Variants in FIGN observed in about 807,000 individuals in gnomAD.
The protein encoded by FIGN is fidgetin.
Under a neutral mutation model 51.3 loss-of-function variants are expected in FIGN, and 11 were observed. The ratio of observed to expected loss-of-function variants is 0.21; its 90% CI spans 0.13 to 0.35. The LOEUF (loss-of-function observed/expected upper bound fraction) is 0.35. Ranked by LOEUF, FIGN falls within the 10% of genes least tolerant of loss-of-function variation. The pLI is 1.00. For synonymous variants in FIGN, 407 were observed against 363.2 expected, an observed-to-expected ratio of 1.12 and a Z score of -1.37; for missense variants, 857 against 943.6, an observed-to-expected ratio of 0.91 and a Z score of 1.20.
chr2:163,610,616 T>C lies in FIGN; in HGVS notation c.1216A>G (p.Thr406Ala), dbSNP rs1213026472. Residue 406 changes from threonine (T) to alanine (A), a missense_variant, in exon 3 of 3, where the codon ACT becomes GCT. This residue lies in a region of FIGN where 799 missense variants were observed against 849.5 expected (regional missense o/e 0.94). Coordinates refer to ENST00000333129, the MANE Select transcript of FIGN (RefSeq NM_018086.4). ...CTTGATCCCAATGAATTTTTAGCAG[T>C]ACTGTAGGAAGGAGGGGTCAGAGCC... ...SRALTPPSYS[T>A]AKNSLGSRSS... 3.1e-6 allele frequency: 5 copies of C among 1,614,182 alleles called. No individual in the cohort carries two copies.
At chr2:163,690,103 C>A (rs2105344720) in intron 2 of FIGN, among the ~76,000 whole-genome samples, 1 of 152,218 alleles carries the variant, frequency 6.6e-6, no homozygotes, top group Non-Finnish European at 1.5e-5. Context: ...TCAAATTGGG[C>A]CTATGAAAGA....
chr2:163,709,317 C>T (rs1684551597), intron 2 of FIGN, among the ~76,000 whole-genome samples: 1 of 152,128 alleles, frequency 6.6e-6, no homozygotes, highest in South Asian at 2.1e-4. Flanking sequence ...ATGTAATCCA[C>T]TTTACAACTA....
chr2:163,659,577 G>A (rs1007692634), intron 2 of FIGN, among the ~76,000 whole-genome samples: 1 of 152,152 alleles, frequency 6.6e-6, no homozygotes, highest in Non-Finnish European at 1.5e-5. Context: ...ACACCATTTT[G>A]GGGGGTTAGT....
chr2:163,735,320 C>G (rs968244248), intron 1 of FIGN, among the ~76,000 whole-genome samples: 1 of 152,150 alleles, frequency 6.6e-6, no homozygotes, highest in Non-Finnish European at 1.5e-5. Context: ...CGCTGTACCC[C>G]CTCCTAGATG....
chr2:163,642,935 C>T (rs924950305), intron 2 of FIGN, among the ~76,000 whole-genome samples: 1 of 152,114 alleles, frequency 6.6e-6, no homozygotes, highest in Non-Finnish European at 1.5e-5. Context: ...TTGAAAGACT[C>T]AATATTGTTA....
At chr2:163,650,145 A>G (rs1048423667) in intron 2 of FIGN, among the ~76,000 whole-genome samples, 2 of 150,830 alleles carry the variant, frequency 1.3e-5, no homozygotes, top group Non-Finnish European at 2.9e-5. Flanking sequence ...CTACACTTAA[A>G]AAAAAATAGA....
intron 2 of FIGN, among the ~76,000 whole-genome samples, chr2:163,656,505 A>G (rs967030086): frequency 6.6e-6 from 1 of 152,124 alleles, no homozygotes; most frequent in Non-Finnish European, 1.5e-5. Context: ...AAGGCAGGCC[A>G]CACTCCTGGA....
rs571586633 is a variant in FIGN at position 163,624,025 on chromosome 2, G to GT, written c.26-12220dup. ...ACTTAAAGGCTTTTTACATTAACAG[G>GT]TTTTTTTTTTCTATTTGAGTACTAA... On this transcript the variant is annotated intron_variant, in intron 2 of 2. Coordinates refer to ENST00000333129, the MANE Select transcript of FIGN (RefSeq NM_018086.4). Among the ~76,000 whole-genome samples the GT allele has an allele frequency of 3.5e-3, 521 of 148,934 alleles. 5 individuals are homozygous for GT. Among genetic ancestry groups the GT allele is most frequent in the Admixed American group, 4.4e-3 (66 of 14,840 alleles).
At chr2:163,716,032 A>AAG (rs1220384203) in intron 2 of FIGN, among the ~76,000 whole-genome samples, 1 of 152,244 alleles carries the variant, frequency 6.6e-6, no homozygotes, top group Non-Finnish European at 1.5e-5. Flanking sequence ...ATTCCTAGTA[A>AAG]ACTATTTATG....
intron 2 of FIGN, among the ~76,000 whole-genome samples, chr2:163,696,660 CTTGTT>C (rs906290024): frequency 1.3e-4 from 20 of 151,442 alleles, no homozygotes; most frequent in Admixed American, 4.6e-4. Context: ...TTTGTGTTGT[CTTGTT>C]TTGTTTTGTT....
rs1335503612 is a variant in FIGN, at chr2:163,611,575, G to A, written c.257C>T (p.Pro86Leu). ...SGILEGPVDRPVLSNYSDTPS... is the reference protein window; with the variant it reads ...SGILEGPVDRLVLSNYSDTPS... ...TGTGTCCGAATAGTTGCTGAGTACGGGTCGGTCCACAGGACCTTCCAAAAT... is the reference window on the plus strand; with the variant it reads ...TGTGTCCGAATAGTTGCTGAGTACGAGTCGGTCCACAGGACCTTCCAAAAT... The change falls in exon 3 of 3, where the codon CCC becomes CTC. Residue 86 changes from proline (P) to leucine (L), a missense_variant. Transcript: ENST00000333129. 6.2e-7 allele frequency: 1 copy of A among 1,614,080 alleles called. No individual in the cohort carries two copies. Among genetic ancestry groups the A allele is most frequent in the African/African-American group, 1.3e-5 (1 of 74,932 alleles).
intron 2 of FIGN, among the ~76,000 whole-genome samples, chr2:163,647,141 T>C (rs1042611818): frequency 2.0e-5 from 3 of 152,210 alleles, no homozygotes; most frequent in Non-Finnish European, 4.4e-5. Flanking sequence ...GTGAATTCAA[T>C]ATACCAAAGA....
chr2:163,707,264 G>A (rs777460592), intron 2 of FIGN, among the ~76,000 whole-genome samples: 54 of 152,002 alleles, frequency 3.6e-4, no homozygotes, highest in Non-Finnish European at 6.3e-4. Context: ...CATGAGAATC[G>A]TTTGAATCCA....
intron 2 of FIGN, among the ~76,000 whole-genome samples, chr2:163,703,799 T>C (rs1684447375): frequency 6.6e-6 from 1 of 152,044 alleles, no homozygotes; most frequent in Non-Finnish European, 1.5e-5. Flanking sequence ...CAGCTACACA[T>C]CGTAACCCCA....
intron 2 of FIGN, among the ~76,000 whole-genome samples, chr2:163,671,559 A>G (rs1683876660): frequency 6.6e-6 from 1 of 152,230 alleles, no homozygotes; most frequent in African/African-American, 2.4e-5. Flanking sequence ...TGATCAGTCA[A>G]CATATTAATA....
Position 163,605,431 on chromosome 2 carries a change from TG to T in FIGN, c.*4120del, listed in dbSNP as rs1215709201. The T allele has an allele frequency of 6.6e-6, 1 of 151,926 alleles. No homozygotes were observed. The highest frequency in any genetic ancestry group is 1.5e-5 in the Non-Finnish European group (1 of 67,978). 9.4% of individuals were successfully genotyped at this position (151,926 alleles called of 1,614,324 possible). On this transcript the variant is annotated 3_prime_UTR_variant, in exon 3 of 3. Coordinates refer to ENST00000333129, the MANE Select transcript of FIGN (RefSeq NM_018086.4). ...AAAAATCGGCAGATGATTCAACAAC[TG>T]AAGGCTTTACGTTTCAAAAGAAAAA... is the stretch of plus-strand genomic sequence containing the variant.
At chr2:163,634,022 C>T (rs1683187772) in intron 2 of FIGN, among the ~76,000 whole-genome samples, 1 of 151,728 alleles carries the variant, frequency 6.6e-6, no homozygotes, top group African/African-American at 2.4e-5. Context: ...AGCTTCAACT[C>T]TTTTCAGCAC....
intron 2 of FIGN, among the ~76,000 whole-genome samples, chr2:163,645,062 T>C (rs560376793): frequency 6.6e-6 from 1 of 152,326 alleles, no homozygotes; most frequent in South Asian, 2.1e-4. Flanking sequence ...CTGTACACTT[T>C]AAATAAGTAA....
chr2:163,686,331 G>A (rs1035968742), intron 2 of FIGN, among the ~76,000 whole-genome samples: 1 of 152,136 alleles, frequency 6.6e-6, no homozygotes, highest in African/African-American at 2.4e-5. Flanking sequence ...ACTTCTAGTA[G>A]AGCTATAATT....
Sources: gnomAD v4.1 joint callset for allele counts (sites outside exome capture counted in the v4.1 genomes callset) on GRCh38, gnomAD v4.1.1 for gene constraint, gnomAD v4.1.1 regional missense constraint, MANE v1.5 for transcripts, NCBI Gene and HGNC (gene_info 2026-07-23, HGNC 2026-07-21) for gene names.